PCDHGB2: variants seen among roughly 807,000 people sequenced by gnomAD.
PCDHGB2 encodes the protein protocadherin gamma-B2.
PCDHGB2 carries 55 observed loss-of-function variants against 59.3 expected under a neutral mutation model. That is an observed-to-expected ratio of 0.93 (90% confidence interval 0.75 to 1.16). PCDHGB2 has a LOEUF of 1.16. PCDHGB2 is among the 50% of genes most tolerant of loss of function. The pLI is 0.00. For synonymous variants in PCDHGB2, 516 were observed against 512.0 expected, an observed-to-expected ratio of 1.01 and a Z score of -0.11; for missense variants, 1,228 against 1,198.5, an observed-to-expected ratio of 1.02 and a Z score of -0.36.
At chr5:141,413,658 T>G (rs2154544690) in intron 1 of PCDHGB2, 1 of 1,613,860 alleles carries the variant, frequency 6.2e-7, no homozygotes, top group East Asian at 2.2e-5. Flanking sequence ...TCCCGGAAGC[T>G]ATTGATCCGG....
chr5:141,423,156 C>G, intron 1 of PCDHGB2: 1 of 1,613,388 alleles, frequency 6.2e-7, no homozygotes, highest in Non-Finnish European at 8.5e-7. Flanking sequence ...AGCAGAGCCT[C>G]GTGGTGGCCG....
Position 141,475,033 on chromosome 5 carries a change from A to G in PCDHGB2, c.2422-19774A>G, listed in dbSNP as rs1223709259. 2.0e-5 allele frequency among the ~76,000 whole-genome samples: 3 copies of G among 152,362 alleles called. No individual in the cohort carries two copies. In the East Asian group the frequency reaches 5.8e-4, roughly 29 times the overall value. ...TTAAGGCTCTTTATTCTGTGACTAA[A>G]GGCTTTGTATTTTCTAAAGATTTGT... is the stretch of plus-strand genomic sequence containing the variant. On this transcript the variant is annotated intron_variant, in intron 1 of 3. Transcript: ENST00000522605.
intron 1 of PCDHGB2, among the ~76,000 whole-genome samples, chr5:141,492,095 CT>C (rs1047956109): frequency 6.6e-6 from 1 of 152,232 alleles, no homozygotes; most frequent in African/African-American, 2.4e-5. Context: ...CTTCGCCGGT[CT>C]GTAGATTTCC....
At chr5:141,428,540 C>T (rs1561836755) in intron 1 of PCDHGB2, 6 of 268,146 alleles carry the variant, frequency 2.2e-5, no homozygotes, top group South Asian at 8.6e-5. Context: ...CTCACCATGA[C>T]ACCAGAAACA....
At chr5:141,410,363 C>T (rs1341289640) in intron 1 of PCDHGB2, 6 of 1,614,068 alleles carry the variant, frequency 3.7e-6, no homozygotes, top group Non-Finnish European at 3.4e-6. Flanking sequence ...CTCTCTCAGC[C>T]CTGCTACTTG....
chr5:141,395,147 G>T (rs906877951), intron 1 of PCDHGB2: 21 of 1,614,092 alleles, frequency 1.3e-5, no homozygotes, highest in Non-Finnish European at 1.8e-5. Context: ...ACGCAGACAT[G>T]CTCATCAGTC....
chr5:141,477,697 T>G lies in PCDHGB2; in HGVS notation c.2422-17110T>G, dbSNP rs745625196. ...TGTCATCCTTAGTGCCCCTAGACTA[T>G]GAGGATCGGCGGGAATTTGAATTAA... On this transcript the variant is annotated intron_variant, in intron 1 of 3. Coordinates refer to ENST00000522605, the MANE Select transcript of PCDHGB2 (RefSeq NM_018923.3). The surrounding 1 kb of genome is among the most constrained non-coding windows in gnomAD (Gnocchi z 4.9). 6.2e-7 allele frequency: 1 copy of G among 1,614,160 alleles called. No homozygotes were observed. Among genetic ancestry groups the G allele is most frequent in the South Asian group, 1.1e-5 (1 of 91,090 alleles).
At chr5:141,384,906 C>G (rs767972748) in intron 1 of PCDHGB2, 3 of 1,613,882 alleles carry the variant, frequency 1.9e-6, no homozygotes, top group East Asian at 4.5e-5. Flanking sequence ...ACAGCATCCC[C>G]GAAGTCTTGG....
intron 1 of PCDHGB2, among the ~76,000 whole-genome samples, chr5:141,435,444 A>T (rs1471113812): frequency 1.3e-5 from 2 of 152,216 alleles, no homozygotes; most frequent in South Asian, 2.1e-4. Context: ...TTTCATTAAT[A>T]CGATATCTGT....
At chr5:141,497,499 C>G (rs1217418941) in intron 2 of PCDHGB2, among the ~76,000 whole-genome samples, 3 of 151,416 alleles carry the variant, frequency 2.0e-5, no homozygotes, top group Non-Finnish European at 4.4e-5. Context: ...TCTCTCTCCT[C>G]TCTCTGCTTC....
intron 1 of PCDHGB2, among the ~76,000 whole-genome samples, chr5:141,386,184 C>T (rs1402266173): frequency 6.6e-6 from 1 of 152,164 alleles, no homozygotes; most frequent in Non-Finnish European, 1.5e-5. Context: ...ATCTTATGTA[C>T]ACAGATCCTA....
At chr5:141,462,905 T>G (rs542357408) in intron 1 of PCDHGB2, among the ~76,000 whole-genome samples, 265 of 152,356 alleles carry the variant, frequency 1.7e-3, no homozygotes, top group Non-Finnish European at 3.1e-3. Flanking sequence ...AAGGCTATTA[T>G]GTTTTTTGCA....
chr5:141,499,122 A>G (rs971741957), intron 2 of PCDHGB2, among the ~76,000 whole-genome samples: 3 of 152,140 alleles, frequency 2.0e-5, no homozygotes, highest in African/African-American at 7.2e-5. Context: ...ATCCCTTCTC[A>G]GGTCATCCTT....
chr5:141,401,467 G>A (rs1248119954), intron 1 of PCDHGB2, among the ~76,000 whole-genome samples: 1 of 152,196 alleles, frequency 6.6e-6, no homozygotes, highest in Non-Finnish European at 1.5e-5. Context: ...AATTTTCTAA[G>A]TTTATCCAGG....
rs568472427 is a variant in PCDHGB2, at chr5:141,460,924, A to G, written c.2422-33883A>G. 3.3e-4 allele frequency among the ~76,000 whole-genome samples: 50 copies of G among 150,592 alleles called. No homozygotes were observed. The East Asian group carries it at 6.6e-3, about 20-fold the overall frequency. Reference sequence around the variant, plus strand: ...AATATTCCATGGTGTATATATATATATGTGTGTGTGTATATATATGTATTA... The same window carrying G: ...AATATTCCATGGTGTATATATATATGTGTGTGTGTGTATATATATGTATTA... On this transcript the variant is annotated intron_variant, in intron 1 of 3. Coordinates refer to ENST00000522605, the MANE Select transcript of PCDHGB2 (RefSeq NM_018923.3).
At chr5:141,365,103 G>T (rs1178900186) in intron 1 of PCDHGB2, 3 of 1,613,722 alleles carry the variant, frequency 1.9e-6, no homozygotes, top group Non-Finnish European at 1.7e-6. Flanking sequence ...ATACCTGTGG[G>T]CACTCGGCTG....
At position 141,511,124 on chromosome 5, in the gene PCDHGB2, C is replaced by G; in HGVS notation, c.2747C>G (p.Ala916Gly). 1.9e-6 allele frequency: 3 copies of G among 1,614,206 alleles called. No individual in the cohort carries two copies. Among genetic ancestry groups the G allele is most frequent in the Non-Finnish European group, 2.5e-6 (3 of 1,180,022 alleles). The change falls in exon 4 of 4, where the codon GCA (alanine) becomes GGA (glycine). Residue 916 changes from alanine to glycine, a missense_variant. Transcript: ENST00000522605. ...AAGKRDGKAP[A>G]GGNGNKKKSG... ...GGCAAGCGGGATGGCAAGGCCCCAG[C>G]AGGTGGCAATGGCAACAAGAAGAAG...
intron 1 of PCDHGB2, chr5:141,421,455 C>G (rs762490406): frequency 6.2e-6 from 10 of 1,614,108 alleles, no homozygotes; most frequent in South Asian, 1.1e-5. Flanking sequence ...CACAGCTTTT[C>G]GCTGTGAATC....
intron 1 of PCDHGB2, chr5:141,410,207 C>T: frequency 6.2e-7 from 1 of 1,614,024 alleles, no homozygotes; most frequent in African/African-American, 1.3e-5. Context: ...AGACAACTTG[C>T]AAGAGATACT....
Sources: allele counts gnomAD v4.1 joint callset (sites outside exome capture counted in the v4.1 genomes callset), GRCh38; gene constraint gnomAD v4.1.1; non-coding constraint Gnocchi (gnomAD v3.1); transcripts MANE v1.5; gene names NCBI Gene and HGNC (gene_info 2026-07-23, HGNC 2026-07-21).